The following RALYL variants were observed in gnomAD, a reference collection of about 807,000 sequenced individuals.
RALYL encodes the protein RNA-binding Raly-like protein.
A neutral mutation model predicts 35.1 loss-of-function variants in RALYL; 29 were observed. The observed-to-expected ratio is 0.83, with a 90% confidence interval of 0.61 to 1.13. The LOEUF is 1.13. Among genes scored for constraint, RALYL ranks in the 50% most tolerant of loss-of-function variants. The probability of loss-of-function intolerance (pLI) is 0.00; values close to 1 mark genes in which losing one functional copy is unlikely to be tolerated. For missense variants in RALYL, 359 were observed against 360.4 expected, an observed-to-expected ratio of 1.00 and a Z score of 0.03; for synonymous variants, 120 against 127.6, an observed-to-expected ratio of 0.94 and a Z score of 0.40.
chr8:84,660,700 T>G (rs1830737331), intron 2 of RALYL, among the ~76,000 whole-genome samples: 1 of 152,134 alleles, frequency 6.6e-6, no homozygotes, highest in South Asian at 2.1e-4. Context: ...TTTTAAAATT[T>G]AACTTCCACT....
chr8:84,761,490 T>C (rs1198547133), intron 2 of RALYL, among the ~76,000 whole-genome samples: 1 of 152,070 alleles, frequency 6.6e-6, no homozygotes, highest in East Asian at 1.9e-4. Flanking sequence ...AATTACATTA[T>C]CCAATGAATT....
chr8:84,264,576 AG>A (rs1311573952), intron 1 of RALYL, among the ~76,000 whole-genome samples: 2 of 150,324 alleles, frequency 1.3e-5, no homozygotes, highest in African/African-American at 4.9e-5. Context: ...CTCTGATGAT[AG>A]TTTCTTTGGC....
In RALYL at chr8:84,662,642, C is replaced by G. The variant is rs553855588; in HGVS notation, c.257-111937C>G. On this transcript the variant is annotated intron_variant, in intron 2 of 8. Coordinates refer to ENST00000521268, the MANE Select transcript of RALYL (RefSeq NM_173848.7). Reference sequence around the variant, plus strand: ...TGTTGAACACGTGGTAATCATTATACCAATCTCTTGACTTTTGTATATATT... The same window carrying G: ...TGTTGAACACGTGGTAATCATTATAGCAATCTCTTGACTTTTGTATATATT... 2.0e-5 allele frequency among the ~76,000 whole-genome samples: 3 copies of G among 152,076 alleles called. No homozygotes were observed. In the East Asian group the frequency reaches 5.8e-4, roughly 29 times the overall value.
At chr8:84,585,641 T>A (rs369917068) in intron 2 of RALYL, among the ~76,000 whole-genome samples, 4 of 152,174 alleles carry the variant, frequency 2.6e-5, no homozygotes, top group African/African-American at 9.7e-5. Flanking sequence ...TTAAACAACA[T>A]AGGCAAAATA....
intron 1 of RALYL, among the ~76,000 whole-genome samples, chr8:84,291,997 T>C (rs1462326346): frequency 6.6e-6 from 1 of 151,164 alleles, no homozygotes; most frequent in Non-Finnish European, 1.5e-5. Flanking sequence ...GGAATCTATA[T>C]GTGGAACATA....
intron 2 of RALYL, among the ~76,000 whole-genome samples, chr8:84,634,183 T>C (rs535834995): frequency 6.6e-6 from 1 of 151,978 alleles, no homozygotes; most frequent in East Asian, 1.9e-4. Flanking sequence ...GTACACATTA[T>C]AACATGCTCT....
chr8:84,763,995 A>C (rs901854094), intron 2 of RALYL, among the ~76,000 whole-genome samples: 2 of 139,440 alleles, frequency 1.4e-5, no homozygotes, highest in African/African-American at 2.8e-5. Flanking sequence ...TAATAGAACA[A>C]ACAAACAAAA....
intron 1 of RALYL, among the ~76,000 whole-genome samples, chr8:84,315,364 A>G (rs1586209039): frequency 6.6e-6 from 1 of 152,316 alleles, no homozygotes; most frequent in East Asian, 1.9e-4. Flanking sequence ...TGCCAAGAGT[A>G]TGTTTACTTT....
At chr8:84,757,587 A>G (rs1257269625) in intron 2 of RALYL, among the ~76,000 whole-genome samples, 1 of 152,160 alleles carries the variant, frequency 6.6e-6, no homozygotes, top group Non-Finnish European at 1.5e-5. Context: ...AGAACTTGTG[A>G]GCACTGAATT....
chr8:84,722,617 T>TTATATA (rs71823678), intron 2 of RALYL, among the ~76,000 whole-genome samples: 3,145 of 97,234 alleles, frequency 0.032, 87 homozygotes, highest in African/African-American at 0.058. Flanking sequence ...TAGAGTGATT[T>TTATATA]TATATATATA....
chr8:84,780,957 C>T (rs1330808003), intron 3 of RALYL, among the ~76,000 whole-genome samples: 2 of 152,300 alleles, frequency 1.3e-5, no homozygotes, highest in African/African-American at 2.4e-5. Flanking sequence ...CTCCCAGGTT[C>T]GAGTGATCTT....
chr8:84,265,244 T>C (rs1833065964), intron 1 of RALYL, among the ~76,000 whole-genome samples: 1 of 152,324 alleles, frequency 6.6e-6, no homozygotes, highest in East Asian at 1.9e-4. Flanking sequence ...ATTAAGGATA[T>C]GGACGTTGAG....
At position 84,678,259 on chromosome 8, in the gene RALYL, T is replaced by C. The variant is rs189231395; in HGVS notation, c.257-96320T>C. On this transcript the variant is annotated intron_variant, in intron 2 of 8. Transcript: ENST00000521268. Reference sequence around the variant, plus strand: ...CTGCAAGTATAGTTTTTTTGTTGTTTTTTTGTTTTTGTTTTTGTTTTTGAG... The same window carrying C: ...CTGCAAGTATAGTTTTTTTGTTGTTCTTTTGTTTTTGTTTTTGTTTTTGAG... 3.8e-3 allele frequency among the ~76,000 whole-genome samples: 577 copies of C among 151,090 alleles called. 6 individuals carry two copies. Among genetic ancestry groups the C allele is most frequent in the African/African-American group, 0.013 (547 of 40,546 alleles).
intron 1 of RALYL, among the ~76,000 whole-genome samples, chr8:84,385,468 G>A (rs916740706): frequency 2.6e-5 from 4 of 151,744 alleles, no homozygotes; most frequent in African/African-American, 9.7e-5. Context: ...GATAGTTTTA[G>A]AACAAAAGGG....
At chr8:84,620,355 T>C (rs1393338875) in intron 2 of RALYL, among the ~76,000 whole-genome samples, 2 of 151,928 alleles carry the variant, frequency 1.3e-5, no homozygotes, top group Admixed American at 6.6e-5. Flanking sequence ...CATCTTCCAT[T>C]GCTGATACCC....
At chr8:84,667,027 G>A (rs1832212325) in intron 2 of RALYL, among the ~76,000 whole-genome samples, 2 of 152,104 alleles carry the variant, frequency 1.3e-5, no homozygotes, top group African/African-American at 2.4e-5. Flanking sequence ...TTTAAGTTAA[G>A]TAAAAGTGTG....
chr8:84,335,664 A>G (rs150394286), intron 1 of RALYL, among the ~76,000 whole-genome samples: 3 of 150,362 alleles, frequency 2.0e-5, no homozygotes, highest in Non-Finnish European at 3.0e-5. Context: ...CATTTTGACT[A>G]CCTCAAAGAG....
At chr8:84,693,386 A>G (rs1838474046) in intron 2 of RALYL, among the ~76,000 whole-genome samples, 1 of 151,904 alleles carries the variant, frequency 6.6e-6, no homozygotes, top group Non-Finnish European at 1.5e-5. Context: ...GCAAAAGGGG[A>G]AAAGCCCATT....
intron 1 of RALYL, among the ~76,000 whole-genome samples, chr8:84,233,568 G>A (rs936944312): frequency 2.0e-5 from 3 of 152,086 alleles, no homozygotes; most frequent in African/African-American, 7.2e-5. Context: ...GACTAGTACT[G>A]CTTCTTAGTC....
Sources: allele counts gnomAD v4.1 joint callset (sites outside exome capture counted in the v4.1 genomes callset), GRCh38; gene constraint gnomAD v4.1.1; transcripts MANE v1.5; gene names NCBI Gene and HGNC (gene_info 2026-07-23, HGNC 2026-07-21).